The following LRP1B variants were observed in gnomAD, a reference collection of about 807,000 sequenced individuals.
LRP1B encodes the protein LDL receptor related protein 1B.
LRP1B carries 217 observed loss-of-function variants against 556.6 expected under a neutral mutation model. That is an observed-to-expected ratio of 0.39 (90% CI 0.35 to 0.44). LRP1B has a LOEUF of 0.44. Among genes scored for constraint, LRP1B ranks in the 20% least tolerant of loss-of-function variants. The pLI is 1.00. For synonymous variants in LRP1B, 2,047 were observed against 1,865.8 expected, an observed-to-expected ratio of 1.10 and a Z score of -2.50; for missense variants, 5,053 against 5,620.8, an observed-to-expected ratio of 0.90 and a Z score of 3.23.
chr2:141,344,769 G>A (rs1209353807), intron 3 of LRP1B, among the ~76,000 whole-genome samples: 1 of 152,096 alleles, frequency 6.6e-6, no homozygotes, highest in African/African-American at 2.4e-5. Flanking sequence ...TGAAATAAGT[G>A]AATTATGAAT....
At chr2:140,902,515 A>G (rs1694133698) in intron 23 of LRP1B, among the ~76,000 whole-genome samples, 2 of 152,164 alleles carry the variant, frequency 1.3e-5, no homozygotes, top group African/African-American at 4.8e-5. Context: ...AATGTTTTAG[A>G]TAAGTGGTTA....
chr2:140,249,603 T>C (rs1251816248), intron 86 of LRP1B, among the ~76,000 whole-genome samples: 1 of 151,814 alleles, frequency 6.6e-6, no homozygotes, highest in Non-Finnish European at 1.5e-5. Flanking sequence ...GTGCTGATGA[T>C]CACTTTACCA....
chr2:140,637,552 T>C (rs1455014187), intron 41 of LRP1B, among the ~76,000 whole-genome samples: 1 of 152,228 alleles, frequency 6.6e-6, no homozygotes, highest in Non-Finnish European at 1.5e-5. Flanking sequence ...TGCTTCTGTA[T>C]GAATTTTGTT....
chr2:141,321,713 T>C (rs1011996587), intron 3 of LRP1B, among the ~76,000 whole-genome samples: 5 of 152,114 alleles, frequency 3.3e-5, no homozygotes, highest in Non-Finnish European at 5.9e-5. Context: ...CTGAAGGATA[T>C]AGATGAATAA....
chr2:141,449,866 G>A lies in LRP1B; in HGVS notation c.343+30530C>T, dbSNP rs182712572. ...GATACCAGATAATTACCTGTTGTTGGAGTTGCCCTGTGCATTGTAGGATGT... is the reference window on the plus strand; with the variant it reads ...GATACCAGATAATTACCTGTTGTTGAAGTTGCCCTGTGCATTGTAGGATGT... On this transcript the variant is annotated intron_variant, in intron 3 of 90. Transcript: ENST00000389484. Among the ~76,000 whole-genome samples the A allele has an allele frequency of 6.6e-5, 10 of 152,206 alleles. No homozygotes were observed. In the East Asian group the frequency reaches 1.9e-3, roughly 29 times the overall value.
intron 1 of LRP1B, among the ~76,000 whole-genome samples, chr2:141,902,273 T>C (rs1699640187): frequency 6.6e-6 from 1 of 151,948 alleles, no homozygotes; most frequent in South Asian, 2.1e-4. Context: ...CACATCCTAC[T>C]AAAAGATGAT....
At chr2:141,733,222 C>A (rs1693343075) in intron 2 of LRP1B, among the ~76,000 whole-genome samples, 1 of 152,056 alleles carries the variant, frequency 6.6e-6, no homozygotes, top group Non-Finnish European at 1.5e-5. Flanking sequence ...TCTTCTATGG[C>A]AAGAGAATGA....
At chr2:140,396,718 T>G (rs1194341047) in intron 66 of LRP1B, among the ~76,000 whole-genome samples, 1 of 152,198 alleles carries the variant, frequency 6.6e-6, no homozygotes, top group African/African-American at 2.4e-5. Context: ...AGATGTGAAT[T>G]GTACTGTCAA....
intron 2 of LRP1B, among the ~76,000 whole-genome samples, chr2:141,746,444 G>C (rs528577870): frequency 6.6e-6 from 1 of 152,098 alleles, no homozygotes; most frequent in Non-Finnish European, 1.5e-5. Flanking sequence ...TGAGTTCAAA[G>C]CAGTATCTCA....
chr2:141,361,861 T>C (rs1288835906), intron 3 of LRP1B, among the ~76,000 whole-genome samples: 1 of 152,216 alleles, frequency 6.6e-6, no homozygotes, highest in East Asian at 1.9e-4. Context: ...CACTGCATTG[T>C]TCATTTGTCA....
chr2:141,654,625 T>C (rs1689934522), intron 2 of LRP1B, among the ~76,000 whole-genome samples: 1 of 152,018 alleles, frequency 6.6e-6, no homozygotes, highest in Admixed American at 6.6e-5. Context: ...AGAACCTCCA[T>C]TTCTAGCTGT....
intron 49 of LRP1B, among the ~76,000 whole-genome samples, chr2:140,523,534 C>A (rs542999963): frequency 7.2e-6 from 1 of 138,064 alleles, no homozygotes; most frequent in African/African-American, 2.7e-5. Context: ...AATCTTAGCC[C>A]GAGCAATCAG....
chr2:140,548,717 G>T (rs1018261030), intron 43 of LRP1B, among the ~76,000 whole-genome samples: 1 of 152,062 alleles, frequency 6.6e-6, no homozygotes, highest in African/African-American at 2.4e-5. Flanking sequence ...GAGGTCAAGA[G>T]TTCGTGACCA....
intron 2 of LRP1B, among the ~76,000 whole-genome samples, chr2:141,598,661 T>G (rs2105305133): frequency 6.6e-6 from 1 of 152,226 alleles, no homozygotes; most frequent in East Asian, 1.9e-4. Context: ...ATTGCAGAAA[T>G]AATTGACTAA....
intron 66 of LRP1B, among the ~76,000 whole-genome samples, chr2:140,406,200 C>A (rs1340101929): frequency 2.0e-5 from 3 of 151,808 alleles, no homozygotes; most frequent in Non-Finnish European, 4.4e-5. Flanking sequence ...GTCAAAATAA[C>A]CACAGCCATA....
rs542395296 is a variant in LRP1B, at chr2:141,623,135, C to T, written c.206-142602G>A. Among the ~76,000 whole-genome samples, 5 of 152,172 alleles carry T rather than the reference C, an allele frequency of 3.3e-5. No individual in the cohort carries two copies. The East Asian group carries it at 9.7e-4, about 29-fold the overall frequency. On this transcript the variant is annotated intron_variant, in intron 2 of 90. Transcript: ENST00000389484. ...TACTTTACCAACCCATCTAAGAAGG[C>T]ACATTTTAAAATCTGTCTTCAAAGC...
intron 1 of LRP1B, among the ~76,000 whole-genome samples, chr2:142,022,379 TTTA>T (rs141586096): frequency 0.03 from 4,477 of 149,722 alleles, 152 homozygotes; most frequent in East Asian, 0.12. Context: ...TTTGAAACAC[TTTA>T]TTATTATTAT....
intron 2 of LRP1B, among the ~76,000 whole-genome samples, chr2:141,716,796 C>T (rs577509421): frequency 6.6e-6 from 1 of 152,282 alleles, no homozygotes; most frequent in East Asian, 1.9e-4. Flanking sequence ...TCTAGCTCTG[C>T]AATTGATTGT....
chr2:141,529,192 T>C (rs1265414087), intron 2 of LRP1B, among the ~76,000 whole-genome samples: 2 of 152,186 alleles, frequency 1.3e-5, no homozygotes, highest in Non-Finnish European at 2.9e-5. Flanking sequence ...ATACAAAGAC[T>C]TAAAGAAACT....
Sources: gnomAD v4.1 joint callset for allele counts (sites outside exome capture counted in the v4.1 genomes callset) on GRCh38, gnomAD v4.1.1 for gene constraint, MANE v1.5 for transcripts, NCBI Gene and HGNC (gene_info 2026-07-23, HGNC 2026-07-21) for gene names.